The following CNGB3 variants were observed in gnomAD, a reference collection of about 807,000 sequenced individuals.
CNGB3 encodes the protein cyclic nucleotide gated channel subunit beta 3.
Under a neutral mutation model 92.8 loss-of-function variants are expected in CNGB3, and 86 were observed. That is an observed-to-expected ratio of 0.93 (90% confidence interval 0.78 to 1.11). CNGB3 has a LOEUF of 1.11. Among genes scored for constraint, CNGB3 ranks in the 50% least tolerant of loss-of-function variants. The pLI is 0.00. For missense variants in CNGB3, 1,026 were observed against 956.8 expected (o/e 1.07, Z -0.95); for synonymous variants, 333 against 332.7 (o/e 1.00, Z -0.01).
chr8:86,635,847 T>TAG (rs1226472266), intron 10 of CNGB3, among the ~76,000 whole-genome samples: 3 of 73,398 alleles, frequency 4.1e-5, no homozygotes, highest in Non-Finnish European at 7.4e-5. Flanking sequence ...TATATATATA[T>TAG]ATATATATAT....
chr8:86,697,306 T>C (rs1402544144), intron 3 of CNGB3, among the ~76,000 whole-genome samples: 1 of 152,208 alleles, frequency 6.6e-6, no homozygotes, highest in Non-Finnish European at 1.5e-5. Flanking sequence ...CCTATCTTAT[T>C]TTATTTATGG....
At chr8:86,685,326 T>C (rs887417650) in intron 3 of CNGB3, among the ~76,000 whole-genome samples, 4 of 152,116 alleles carry the variant, frequency 2.6e-5, no homozygotes, top group African/African-American at 7.2e-5. Context: ...ACCTGTCACA[T>C]TGGCATCCCC....
Position 86,643,784 on chromosome 8 carries a change from G to A in CNGB3, c.1145C>T (p.Thr382Ile), listed in dbSNP as rs758061248. 31 of 1,605,806 alleles carry A rather than the reference G, an allele frequency of 1.9e-5. No individual in the cohort carries two copies. The Admixed American group carries it at 5.1e-4, about 26-fold the overall frequency. Residue 382 changes from threonine (T) to isoleucine (I), a missense_variant, in exon 10 of 18, where the codon ACT becomes ATT. Thr to Ile is a moderately conservative substitution (Grantham distance 89). Transcript: ENST00000320005. Reference protein sequence around the residue: ...YWASNYEGIGTTRWVYDGEGN... With the variant: ...YWASNYEGIGITRWVYDGEGN... ...TTCCCCATCATACACCCATCTAGTA[G>A]TGCCAATTCCTTCATAGTTTGAAGC...
chr8:86,583,247 G>A (rs966442492), intron 15 of CNGB3, among the ~76,000 whole-genome samples: 4 of 152,130 alleles, frequency 2.6e-5, no homozygotes, highest in African/African-American at 4.8e-5. Context: ...GTTTAATAAA[G>A]TGGTAATGTG....
intron 10 of CNGB3, among the ~76,000 whole-genome samples, chr8:86,638,810 A>G (rs1295333230): frequency 6.7e-6 from 1 of 149,094 alleles, no homozygotes; most frequent in African/African-American, 2.5e-5. Context: ...CTTCTGATCC[A>G]CTGATTCTTT....
chr8:86,680,853 T>C (rs1017272871), intron 3 of CNGB3, among the ~76,000 whole-genome samples: 1 of 152,048 alleles, frequency 6.6e-6, no homozygotes, highest in Non-Finnish European at 1.5e-5. Context: ...AGGCAATAAA[T>C]GGGGGACATT....
intron 6 of CNGB3, chr8:86,658,228 G>A (rs1051174935): frequency 5.4e-6 from 3 of 560,382 alleles, no homozygotes; most frequent in Admixed American, 4.6e-5. Flanking sequence ...AGCTGCCCAC[G>A]TGGCCATGCC....
rs897554395 is a variant in CNGB3 at position 86,611,612 on chromosome 8, C to A, written c.1638G>T (p.Leu546Phe). 2 of 1,613,160 alleles carry A rather than the reference C, an allele frequency of 1.2e-6. No individual in the cohort carries two copies. Among genetic ancestry groups the A allele is most frequent in the Non-Finnish European group, 1.7e-6 (2 of 1,179,486 alleles). ...CCTTTTTGCAGACAAAGTCACCAGG[C>A]AAATAGAGAACGGATTTCAATCTTA... Reference protein sequence around the residue: ...MLLRLKSVLYLPGDFVCKKGE... With the variant: ...MLLRLKSVLYFPGDFVCKKGE... The change falls in exon 14 of 18, where the codon TTG (leucine) becomes TTT (phenylalanine). Residue 546 changes from leucine (L) to phenylalanine (F), a missense_variant. Leu to Phe is a conservative substitution (Grantham distance 22). Coordinates refer to ENST00000320005, the MANE Select transcript of CNGB3 (RefSeq NM_019098.5).
intron 3 of CNGB3, among the ~76,000 whole-genome samples, chr8:86,695,178 CGCAGGCACTCG>C (rs1281927377): frequency 3.7e-4 from 57 of 152,122 alleles, no homozygotes; most frequent in African/African-American, 1.1e-3. Context: ...CGCCTGCAAT[CGCAGGCACTCG>C]GCAGGCACTC....
Position 86,578,863 on chromosome 8 carries a change from T to A in CNGB3, c.1929A>T (p.Arg643Ser). The change falls in exon 17 of 18, where the codon AGA becomes AGT. Residue 643 changes from arginine (R) to serine (S), a missense_variant and splice_region_variant. Transcript: ENST00000320005. ...DSERILMKKA[R>S]VLLKQKAKTA... ...TCTTAGCCTTCTGCTTTAAAAGCAC[T>A]CTGTGGGTAAGAGAGAAAAGCTGTT... is the stretch of plus-strand genomic sequence containing the variant. 6.2e-7 allele frequency: 1 copy of A among 1,614,174 alleles called. No individual in the cohort carries two copies. The highest frequency in any genetic ancestry group is 8.5e-7 in the Non-Finnish European group (1 of 1,180,028).
intron 3 of CNGB3, among the ~76,000 whole-genome samples, chr8:86,716,504 A>G (rs1824855750): frequency 6.6e-6 from 1 of 152,234 alleles, no homozygotes; most frequent in Non-Finnish European, 1.5e-5. Context: ...AAAACCTACT[A>G]GAGTAACAGC....
intron 6 of CNGB3, chr8:86,657,495 G>A (rs1823534464): frequency 1.2e-5 from 6 of 511,924 alleles, no homozygotes; most frequent in Non-Finnish European, 2.4e-5. Context: ...GGAAGCAGTT[G>A]CATAATCTGC....
In CNGB3 at chr8:86,644,620, A is replaced by C. The variant is rs1823261546; in HGVS notation, c.1055+2T>G. 1.2e-6 allele frequency: 2 copies of C among 1,600,820 alleles called. No homozygotes were observed. Among genetic ancestry groups the C allele is most frequent in the African/African-American group, 2.7e-5 (2 of 74,332 alleles). On this transcript the variant is annotated splice_donor_variant, in intron 9 of 17. Coordinates refer to ENST00000320005, the MANE Select transcript of CNGB3 (RefSeq NM_019098.5). LOFTEE classifies it high-confidence loss of function. ...CCCCAAGTATACTGAGTTATACTTT[A>C]CCTGTAGATATATGCTTTGTCCATT...
intron 3 of CNGB3, chr8:86,707,613 A>G (rs1212281119): frequency 6.6e-6 from 1 of 152,334 alleles, no homozygotes; most frequent in East Asian, 1.9e-4. Context: ...CATCATGAGG[A>G]CTTCAGCTTT....
intron 15 of CNGB3, among the ~76,000 whole-genome samples, chr8:86,600,770 C>T (rs1246285734): frequency 4.5e-5 from 6 of 131,946 alleles, no homozygotes; most frequent in East Asian, 2.2e-4. Context: ...CCACCACGCT[C>T]GGCTAATTTT....
chr8:86,719,114 AC>A (rs1026301460), intron 3 of CNGB3, among the ~76,000 whole-genome samples: 2 of 151,940 alleles, frequency 1.3e-5, no homozygotes, highest in Admixed American at 1.3e-4. Flanking sequence ...GTGGAACAAG[AC>A]AAAAATGTCC....
intron 3 of CNGB3, among the ~76,000 whole-genome samples, chr8:86,682,006 A>G (rs1003876176): frequency 6.6e-6 from 1 of 152,180 alleles, no homozygotes; most frequent in Non-Finnish European, 1.5e-5. Context: ...AATATCATGT[A>G]AAAGGTAAAA....
At chr8:86,686,978 A>G (rs1042506384) in intron 3 of CNGB3, among the ~76,000 whole-genome samples, 1 of 152,098 alleles carries the variant, frequency 6.6e-6, no homozygotes, top group African/African-American at 2.4e-5. Flanking sequence ...TTTCACTGAA[A>G]GAATCTGAAG....
At chr8:86,580,937 A>G (rs186507799) in intron 15 of CNGB3, among the ~76,000 whole-genome samples, 239 of 152,336 alleles carry the variant, frequency 1.6e-3, no homozygotes, top group Admixed American at 2.4e-3. Flanking sequence ...TTTGGAAGCA[A>G]TGAGATATAA....
Sources: allele counts gnomAD v4.1 joint callset (sites outside exome capture counted in the v4.1 genomes callset), GRCh38; gene constraint gnomAD v4.1.1; transcripts MANE v1.5; gene names NCBI Gene and HGNC (gene_info 2026-07-23, HGNC 2026-07-21).